The following PVT1 variants were observed in gnomAD, a reference collection of about 807,000 sequenced individuals.
PVT1 encodes the protein CXCR4/PVT1 fusion.
chr8:128,045,818 G>A lies in PVT1; in HGVS notation n.913-24342G>A, dbSNP rs115586972. ...TCTGCCATGTTTTCCTTTCCTGTTG[G>A]ATTTGACTCTTAGATCAGTTGTTCT... On this transcript the variant is annotated intron_variant and non_coding_transcript_variant, in intron 4 of 10. Coordinates refer to ENST00000651587, the Ensembl canonical transcript of PVT1. 5.3e-3 allele frequency among the ~76,000 whole-genome samples: 811 copies of A among 152,292 alleles called. 4 individuals carry two copies. The highest frequency in any genetic ancestry group is 0.018 in the African/African-American group (766 of 41,564).
At chr8:128,091,027 C>T (rs980231223) in intron 5 of PVT1, among the ~76,000 whole-genome samples, 11 of 152,110 alleles carry the variant, frequency 7.2e-5, no homozygotes, top group African/African-American at 2.7e-4. Context: ...TTTCACCTTT[C>T]CCACAGACTT....
At chr8:127,860,592 G>A (rs750707406) in intron 2 of PVT1, among the ~76,000 whole-genome samples, 15 of 151,708 alleles carry the variant, frequency 9.9e-5, no homozygotes, top group Non-Finnish European at 2.2e-4. Context: ...GTGAAACCCC[G>A]TCTCTACTAA....
intron 3 of PVT1, among the ~76,000 whole-genome samples, chr8:127,927,293 CAGA>C (rs1308134429): frequency 6.6e-6 from 1 of 152,204 alleles, no homozygotes; most frequent in Non-Finnish European, 1.5e-5. Flanking sequence ...GAAAGACATC[CAGA>C]AGGAGTCCTG....
At chr8:127,939,885 T>G (rs1816327293) in intron 3 of PVT1, 1 of 152,276 alleles carries the variant, frequency 6.6e-6, no homozygotes, top group Admixed American at 6.5e-5. Flanking sequence ...CCTAACTTTC[T>G]GATCCCTTGG....
intron 3 of PVT1, among the ~76,000 whole-genome samples, chr8:127,975,225 A>T (rs1816810694): frequency 6.6e-6 from 1 of 152,212 alleles, no homozygotes; most frequent in Non-Finnish European, 1.5e-5. Context: ...CTCTTGTCCC[A>T]CATTGCCAAA....
chr8:128,031,256 C>T (rs114516710), intron 4 of PVT1, among the ~76,000 whole-genome samples: 2,519 of 152,316 alleles, frequency 0.017, 67 homozygotes, highest in African/African-American at 0.057. Flanking sequence ...ACTGCTGTGG[C>T]TTTGTATTTG....
intron 3 of PVT1, among the ~76,000 whole-genome samples, chr8:127,969,258 A>C (rs1352851160): frequency 6.6e-6 from 1 of 152,238 alleles, no homozygotes; most frequent in African/African-American, 2.4e-5. Context: ...AATCTGCTGA[A>C]ATCTGGTAAT....
At chr8:127,868,803 G>GTATA (rs1440189326) in intron 2 of PVT1, among the ~76,000 whole-genome samples, 7,006 of 51,998 alleles carry the variant, frequency 0.13, 409 homozygotes, top group African/African-American at 0.27. Flanking sequence ...ACATATATAT[G>GTATA]TACATATATA....
At chr8:127,858,415 T>TAAAC (rs1815184024) in intron 2 of PVT1, among the ~76,000 whole-genome samples, 1 of 148,362 alleles carries the variant, frequency 6.7e-6, no homozygotes, top group East Asian at 2.0e-4. Context: ...TCAAAATAAA[T>TAAAC]AAATAAATAA....
At chr8:127,970,442 C>A (rs370093471) in intron 3 of PVT1, among the ~76,000 whole-genome samples, 4 of 152,030 alleles carry the variant, frequency 2.6e-5, no homozygotes, top group Admixed American at 6.6e-5. Flanking sequence ...GGACTACAGG[C>A]GCCCGCCACC....
chr8:127,885,560 A>C (rs373788150), intron 2 of PVT1, among the ~76,000 whole-genome samples: 3 of 152,282 alleles, frequency 2.0e-5, no homozygotes, highest in East Asian at 1.9e-4. Context: ...TTATAAGGGC[A>C]CTAAGCCCTC....
rs34269945 is a variant in PVT1 at position 128,067,953 on chromosome 8, G to GTTT, written n.913-2196_913-2194dup. ...CTATTCTTGGACTAACATACTTTGT[G>GTTT]TTTTTTTTTTTTTGGTTATCTTATT... On this transcript the variant is annotated intron_variant and non_coding_transcript_variant, in intron 4 of 10. Transcript: ENST00000651587. 2.0e-3 allele frequency among the ~76,000 whole-genome samples: 283 copies of GTTT among 142,554 alleles called. 3 individuals carry two copies. The highest frequency in any genetic ancestry group is 0.011 in the Middle Eastern group (3 of 274). The allele number at this position is 142,554 out of a possible 152,430, so 93.5% of individuals were successfully genotyped here.
intron 2 of PVT1, among the ~76,000 whole-genome samples, chr8:127,866,974 C>T (rs773375689): frequency 9.2e-5 from 14 of 152,186 alleles, no homozygotes; most frequent in Non-Finnish European, 1.6e-4. Context: ...CTTGCATTCA[C>T]TGATTCACTG....
chr8:127,881,190 C>T (rs1334366534), intron 2 of PVT1, among the ~76,000 whole-genome samples: 1 of 152,010 alleles, frequency 6.6e-6, no homozygotes, highest in African/African-American at 2.4e-5. Context: ...GGACTGGGTT[C>T]GGTTTGCATC....
chr8:127,880,167 G>A (rs180701815), intron 2 of PVT1, among the ~76,000 whole-genome samples: 246 of 149,762 alleles, frequency 1.6e-3, no homozygotes, highest in Non-Finnish European at 2.1e-3. Flanking sequence ...CAGCCTGAAA[G>A]CTCCATGAAG....
intron 5 of PVT1, among the ~76,000 whole-genome samples, chr8:128,084,055 G>T (rs1258471104): frequency 6.6e-6 from 1 of 152,134 alleles, no homozygotes; most frequent in Non-Finnish European, 1.5e-5. Context: ...CTGATTTACT[G>T]CAGGAGCCTC....
intron 3 of PVT1, among the ~76,000 whole-genome samples, chr8:127,981,570 T>C (rs1816883776): frequency 6.6e-6 from 1 of 152,212 alleles, no homozygotes; most frequent in Non-Finnish European, 1.5e-5. Flanking sequence ...ATGAAAACTA[T>C]TTACATTTAG....
intron 2 of PVT1, among the ~76,000 whole-genome samples, chr8:127,809,063 A>AGAAG (rs1483277951): frequency 1.3e-4 from 19 of 151,358 alleles, no homozygotes; most frequent in African/African-American, 3.9e-4. Context: ...AAAGAAAGAA[A>AGAAG]AAAAAGAAAA....
At chr8:127,827,218 C>T (rs1302234658) in intron 2 of PVT1, among the ~76,000 whole-genome samples, 4 of 152,054 alleles carry the variant, frequency 2.6e-5, no homozygotes, top group Admixed American at 6.5e-5. Context: ...TGGTCTCGAA[C>T]CCCCGACCTC....
Sources: gnomAD v4.1 joint callset for allele counts (sites outside exome capture counted in the v4.1 genomes callset) on GRCh38, gnomAD v4.1.1 for gene constraint, MANE v1.5 for transcripts, NCBI Gene and HGNC (gene_info 2026-07-23, HGNC 2026-07-21) for gene names.